C18orf32: variants seen among roughly 807,000 people sequenced by gnomAD.
C18orf32 encodes chromosome 18 open reading frame 32, also known as UPF0729 protein C18orf32.
Under a neutral mutation model 7.4 loss-of-function variants are expected in C18orf32, and 5 were observed. The observed-to-expected ratio is 0.68, with a 90% confidence interval of 0.35 to 1.42. The LOEUF (loss-of-function observed/expected upper bound fraction) is 1.42, where lower values mean the gene tolerates loss of function less well. C18orf32 is among the 40% of genes most tolerant of loss of function. C18orf32 has a pLI of 0.04. For synonymous variants in C18orf32, 30 were observed against 29.3 expected, an observed-to-expected ratio of 1.02 and a Z score of -0.08; for missense variants, 88 against 92.4, an observed-to-expected ratio of 0.95 and a Z score of 0.19.
Position 49,480,104 on chromosome 18 carries a change from C to G in C18orf32, c.*2241G>C, listed in dbSNP as rs575816648. ...CTTTGGGAGGCTGAGGCAAGAGGAT[C>G]ACTTTGAGGCCAGGAGTTTGAGACT... On this transcript the variant is annotated 3_prime_UTR_variant, in exon 3 of 3. Transcript: ENST00000318240. The G allele has an allele frequency of 6.6e-6, 1 of 152,202 alleles. No homozygotes were observed. Among genetic ancestry groups the G allele is most frequent in the Non-Finnish European group, 1.5e-5 (1 of 68,162 alleles). 9.4% of individuals were successfully genotyped at this position (152,202 alleles called of 1,614,324 possible).
chr18:49,480,668 G>C lies in C18orf32; in HGVS notation c.*1677C>G, dbSNP rs1324222558. The C allele has an allele frequency of 6.6e-6, 1 of 152,218 alleles. No individual in the cohort carries two copies. Among genetic ancestry groups the C allele is most frequent in the African/African-American group, 2.4e-5 (1 of 41,430 alleles). The allele number at this position is 152,218 out of a possible 1,614,324, so 9.4% of individuals were successfully genotyped here. Reference sequence around the variant, plus strand: ...CACCTGTAGTCCCAGCTACTTGAGAGGCTAAGGTGAGAGGATCACTTCAGG... The same window carrying C: ...CACCTGTAGTCCCAGCTACTTGAGACGCTAAGGTGAGAGGATCACTTCAGG... On this transcript the variant is annotated 3_prime_UTR_variant, in exon 3 of 3. Coordinates refer to ENST00000318240, the MANE Select transcript of C18orf32 (RefSeq NM_001035005.4).
intron 1 of C18orf32, among the ~76,000 whole-genome samples, chr18:49,485,286 G>A (rs1011265990): frequency 5.9e-5 from 9 of 152,180 alleles, no homozygotes; most frequent in Admixed American, 3.3e-4. Context: ...TGGGCGCGGT[G>A]GCTCACGCCT....
In C18orf32 at chr18:49,479,271, A is replaced by T. The variant is rs983250592; in HGVS notation, c.*3074T>A. 1.3e-5 allele frequency: 2 copies of T among 152,254 alleles called. No homozygotes were observed. The highest frequency in any genetic ancestry group is 2.9e-5 in the Non-Finnish European group (2 of 68,072). The allele number at this position is 152,254 out of a possible 1,614,324, so 9.4% of individuals were successfully genotyped here. On this transcript the variant is annotated 3_prime_UTR_variant, in exon 3 of 3. Coordinates refer to ENST00000318240, the MANE Select transcript of C18orf32 (RefSeq NM_001035005.4). ...AAAAATGAGGGATAAACCAAGAAGG[A>T]AGAGGATAGGAAATCCAGAAACAAG...
intron 2 of C18orf32, among the ~76,000 whole-genome samples, chr18:49,483,078 C>T (rs529971803): frequency 1.8e-4 from 28 of 152,034 alleles, no homozygotes; most frequent in East Asian, 3.9e-4. Flanking sequence ...GGATTACAGG[C>T]GTGAGCTACC....
At position 49,479,400 on chromosome 18, in the gene C18orf32, T is replaced by C. The variant is rs1007090906; in HGVS notation, c.*2945A>G. On this transcript the variant is annotated 3_prime_UTR_variant, in exon 3 of 3. Transcript: ENST00000318240. ...AGAGGTGTATGGGGAGAAGGTAAACTGGTCACTCCAGGAAGACACCACCTG... is the reference window on the plus strand; with the variant it reads ...AGAGGTGTATGGGGAGAAGGTAAACCGGTCACTCCAGGAAGACACCACCTG... 2.0e-5 allele frequency: 3 copies of C among 152,296 alleles called. No individual in the cohort carries two copies. Among genetic ancestry groups the C allele is most frequent in the Non-Finnish European group, 2.9e-5 (2 of 68,164 alleles). 9.4% of individuals were successfully genotyped at this position (152,296 alleles called of 1,614,324 possible).
At chr18:49,486,928 T>C (rs2083760553) in intron 1 of C18orf32, 115 bp downstream of exon 1, 1 of 144,022 alleles carries the variant, frequency 6.9e-6, no homozygotes, top group African/African-American at 2.6e-5. Flanking sequence ...CAATATAAAG[T>C]ATCGGAGAGG....
In C18orf32 at chr18:49,480,443, C is replaced by T. The variant is rs982906787; in HGVS notation, c.*1902G>A. 4.6e-5 allele frequency: 7 copies of T among 152,028 alleles called. No homozygotes were observed. The South Asian group carries it at 1.5e-3, about 32-fold the overall frequency. 9.4% of individuals were successfully genotyped at this position (152,028 alleles called of 1,614,324 possible). A position where few individuals can be genotyped will look rare whatever the true frequency, so the allele number is the denominator to read the frequency against. On this transcript the variant is annotated 3_prime_UTR_variant, in exon 3 of 3. Transcript: ENST00000318240. Reference sequence around the variant, plus strand: ...GCAAAGAAGTAGGGACAATTAGAAACGTTGCAATATTACTTAATTTTTAAA... The same window carrying T: ...GCAAAGAAGTAGGGACAATTAGAAATGTTGCAATATTACTTAATTTTTAAA...
At chr18:49,485,202 C>T (rs1332124804) in intron 1 of C18orf32, among the ~76,000 whole-genome samples, 1 of 152,192 alleles carries the variant, frequency 6.6e-6, no homozygotes, top group Non-Finnish European at 1.5e-5. Flanking sequence ...TAAACGGTGG[C>T]ATAGAGAATC....
chr18:49,480,310 CCT>C lies in C18orf32; in HGVS notation c.*2033_*2034del, dbSNP rs1470439069. 5.3e-5 allele frequency: 8 copies of C among 150,788 alleles called. No homozygotes were observed. The highest frequency in any genetic ancestry group is 1.2e-4 in the Non-Finnish European group (8 of 67,742). The allele number at this position is 150,788 out of a possible 1,614,324, so 9.3% of individuals were successfully genotyped here. Reference sequence around the variant, plus strand: ...TCCAGCACCTGGGTGACAGTGAGACCCTGTCTCAAAAAATAAAATGTTTATAT... The same window carrying C: ...TCCAGCACCTGGGTGACAGTGAGACCGTCTCAAAAAATAAAATGTTTATAT... On this transcript the variant is annotated 3_prime_UTR_variant, in exon 3 of 3. Coordinates refer to ENST00000318240, the MANE Select transcript of C18orf32 (RefSeq NM_001035005.4).
In C18orf32 at chr18:49,482,341, T is replaced by G; in HGVS notation, c.*4A>C. On this transcript the variant is annotated 3_prime_UTR_variant, in exon 3 of 3. Coordinates refer to ENST00000318240, the MANE Select transcript of C18orf32 (RefSeq NM_001035005.4). The stretch of plus-strand genomic sequence containing the variant: ...AAATGATGGGGTCCTTTAGGAAAAT[T>G]TCTTTAGTCTTTCTTTTTATCACAG... 1 of 1,607,706 alleles carries G rather than the reference T, an allele frequency of 6.2e-7. No homozygotes were observed. The highest frequency in any genetic ancestry group is 8.5e-7 in the Non-Finnish European group (1 of 1,174,640).
rs979318327 is a variant in C18orf32, at chr18:49,487,155, C to A, written c.-136G>T. On this transcript the variant is annotated 5_prime_UTR_variant, in exon 1 of 3. It adds an upstream start codon to the 5' untranslated region. Coordinates refer to ENST00000318240, the MANE Select transcript of C18orf32 (RefSeq NM_001035005.4). ...TCTGCGAGCGCGGCCCGGGCTGGGC[C>A]TGCGGAGCAGCTACAAAGCCCAACC... 1 of 152,550 alleles carries A rather than the reference C, an allele frequency of 6.6e-6. No individual in the cohort carries two copies. Among genetic ancestry groups the A allele is most frequent in the African/African-American group, 2.4e-5 (1 of 41,468 alleles). The allele number at this position is 152,550 out of a possible 1,614,324, so 9.4% of individuals were successfully genotyped here. A position where few individuals can be genotyped will look rare whatever the true frequency, so the allele number is the denominator to read the frequency against.
rs1470488713 is a variant in C18orf32 at position 49,478,453 on chromosome 18, AG to A, written c.*3891del. On this transcript the variant is annotated 3_prime_UTR_variant, in exon 3 of 3. Transcript: ENST00000318240. ...TAATTTTTGTATTTTTAGTAGAGAC[AG>A]GGTTTCACCATGTTGGCCAGGCTGG... The A allele has an allele frequency of 1.3e-5, 2 of 150,138 alleles. No homozygotes were observed. Among genetic ancestry groups the A allele is most frequent in the African/African-American group, 5.1e-5 (2 of 39,460 alleles). 9.3% of individuals were successfully genotyped at this position (150,138 alleles called of 1,614,324 possible). A position where few individuals can be genotyped will look rare whatever the true frequency, so the allele number is the denominator to read the frequency against.
At position 49,478,071 on chromosome 18, in the gene C18orf32, T is replaced by C. The variant is rs1360555366; in HGVS notation, c.*4274A>G. ...CTTTTTTTAAGACAGGGTCTTGCTC[T>C]GTTGTCCAAGCTAGAGTGCAGTGGC... On this transcript the variant is annotated 3_prime_UTR_variant, in exon 3 of 3. Coordinates refer to ENST00000318240, the MANE Select transcript of C18orf32 (RefSeq NM_001035005.4). 2 of 149,694 alleles carry C rather than the reference T, an allele frequency of 1.3e-5. No homozygotes were observed. The highest frequency in any genetic ancestry group is 2.9e-5 in the Non-Finnish European group (2 of 68,042). 9.3% of individuals were successfully genotyped at this position (149,694 alleles called of 1,614,324 possible). A position where few individuals can be genotyped will look rare whatever the true frequency, so the allele number is the denominator to read the frequency against.
rs1490551100 is a variant in C18orf32, at chr18:49,479,914, G to C, written c.*2431C>G. ...CTGGCACACTCATGCTATGAACACT[G>C]ATGATGTAAGCAAAATTTACAAAAG... is the stretch of plus-strand genomic sequence containing the variant. On this transcript the variant is annotated 3_prime_UTR_variant, in exon 3 of 3. Transcript: ENST00000318240. 2 of 152,354 alleles carry C rather than the reference G, an allele frequency of 1.3e-5. No individual in the cohort carries two copies. Among genetic ancestry groups the C allele is most frequent in the African/African-American group, 4.8e-5 (2 of 41,474 alleles). 9.4% of individuals were successfully genotyped at this position (152,354 alleles called of 1,614,324 possible). A position where few individuals can be genotyped will look rare whatever the true frequency, so the allele number is the denominator to read the frequency against.
rs1600472076 is a variant in C18orf32 at position 49,482,014 on chromosome 18, T to C, written c.*331A>G. Reference sequence around the variant, plus strand: ...GAAATTAGAGCAAACAGCAAATTCATATGAATTAGAGAACCAAAGATTTTA... The same window carrying C: ...GAAATTAGAGCAAACAGCAAATTCACATGAATTAGAGAACCAAAGATTTTA... On this transcript the variant is annotated 3_prime_UTR_variant, in exon 3 of 3. Transcript: ENST00000318240. The C allele has an allele frequency of 4.4e-6, 1 of 228,490 alleles. No individual in the cohort carries two copies. Among genetic ancestry groups the C allele is most frequent in the South Asian group, 6.3e-5 (1 of 15,840 alleles). The allele number at this position is 228,490 out of a possible 1,614,324, so 14.2% of individuals were successfully genotyped here.
chr18:49,480,444 G>A lies in C18orf32; in HGVS notation c.*1901C>T, dbSNP rs908705684. ...CAAAGAAGTAGGGACAATTAGAAAC[G>A]TTGCAATATTACTTAATTTTTAAAA... On this transcript the variant is annotated 3_prime_UTR_variant, in exon 3 of 3. Coordinates refer to ENST00000318240, the MANE Select transcript of C18orf32 (RefSeq NM_001035005.4). The A allele has an allele frequency of 2.6e-5, 4 of 151,974 alleles. No individual in the cohort carries two copies. The highest frequency in any genetic ancestry group is 2.1e-4 in the South Asian group (1 of 4,822). 9.4% of individuals were successfully genotyped at this position (151,974 alleles called of 1,614,324 possible).
At chr18:49,484,066 C>T (rs895320468) in intron 1 of C18orf32, among the ~76,000 whole-genome samples, 2 of 150,042 alleles carry the variant, frequency 1.3e-5, no homozygotes, top group African/African-American at 4.9e-5. Context: ...GAGGTTGAGG[C>T]TGCAGTGAGC....
At chr18:49,484,133 A>C (rs1172666000) in intron 1 of C18orf32, among the ~76,000 whole-genome samples, 1 of 63,174 alleles carries the variant, frequency 1.6e-5, no homozygotes, top group Non-Finnish European at 3.1e-5. Context: ...TGTCTCAAAA[A>C]AAGAAAAAAA....
chr18:49,485,418 G>A (rs551216197), intron 1 of C18orf32, among the ~76,000 whole-genome samples: 1 of 152,210 alleles, frequency 6.6e-6, no homozygotes, highest in African/African-American at 2.4e-5. Flanking sequence ...GCTGGGCGTG[G>A]TGGTGGGCAC....
Sources: gnomAD v4.1 joint callset for allele counts (sites outside exome capture counted in the v4.1 genomes callset) on GRCh38, gnomAD v4.1.1 for gene constraint, MANE v1.5 for transcripts, NCBI Gene and HGNC (gene_info 2026-07-23, HGNC 2026-07-21) for gene names.